The following RAD51B variants were observed in gnomAD, a reference collection of about 807,000 sequenced individuals.
RAD51B encodes RAD51 paralog B, also known as DNA repair protein RAD51 homolog 2.
In RAD51B, 38 loss-of-function variants were observed where a neutral mutation model predicts 42.2. That is an observed-to-expected ratio of 0.90 (90% confidence interval 0.70 to 1.18). The LOEUF is 1.18. Ranked by LOEUF, RAD51B falls within the 50% of genes most tolerant of loss-of-function variation. The probability of loss-of-function intolerance (pLI) is 0.00; values close to 1 mark genes in which losing one functional copy is unlikely to be tolerated. For synonymous variants in RAD51B, 154 were observed against 145.2 expected, an observed-to-expected ratio of 1.06 and a Z score of -0.43; for missense variants, 373 against 400.7, an observed-to-expected ratio of 0.93 and a Z score of 0.59.
chr14:68,222,648 C>T (rs1015822650), intron 7 of RAD51B, among the ~76,000 whole-genome samples: 4 of 152,076 alleles, frequency 2.6e-5, no homozygotes, highest in Non-Finnish European at 5.9e-5. Context: ...TAACCAAACA[C>T]CTCTGTTCCC....
intron 7 of RAD51B, among the ~76,000 whole-genome samples, chr14:68,250,941 G>C (rs966363557): frequency 6.6e-6 from 1 of 152,144 alleles, no homozygotes; most frequent in African/African-American, 2.4e-5. Context: ...GTTTACCATG[G>C]TTTTCAGTGT....
chr14:68,339,234 G>T, intron 8 of RAD51B: 3 of 1,145,770 alleles, frequency 2.6e-6, no homozygotes, highest in Non-Finnish European at 3.8e-6. Context: ...GTACTTGTGG[G>T]CCAGCTTAAG....
intron 7 of RAD51B, among the ~76,000 whole-genome samples, chr14:68,219,782 A>G (rs2079888790): frequency 6.6e-6 from 1 of 152,190 alleles, no homozygotes; most frequent in Non-Finnish European, 1.5e-5. Context: ...GAGGTTCTTT[A>G]ACACCCCCAA....
At chr14:68,541,886 A>T (rs1305287245) in intron 10 of RAD51B, 1 of 944,830 alleles carries the variant, frequency 1.1e-6, no homozygotes, top group East Asian at 1.2e-4. Context: ...TTTTATTGAG[A>T]TCCCCATTGG....
chr14:68,243,667 CAT>C (rs1239645744), intron 7 of RAD51B, among the ~76,000 whole-genome samples: 1 of 152,172 alleles, frequency 6.6e-6, no homozygotes, highest in Non-Finnish European at 1.5e-5. Flanking sequence ...GTTCCCTTTA[CAT>C]ATGAATTCAC....
At chr14:68,337,443 AT>A (rs1382194507) in intron 8 of RAD51B, among the ~76,000 whole-genome samples, 2 of 152,218 alleles carry the variant, frequency 1.3e-5, no homozygotes, top group African/African-American at 4.8e-5. Flanking sequence ...AAAATTAGCC[AT>A]TGTAGCATGC....
chr14:68,578,041 T>A (rs1304262339), intron 10 of RAD51B, among the ~76,000 whole-genome samples: 8 of 152,264 alleles, frequency 5.3e-5, no homozygotes, highest in African/African-American at 1.9e-4. Flanking sequence ...AACAGCACAT[T>A]GTCGAACACG....
chr14:67,841,836 T>A (rs1340242546), intron 4 of RAD51B, among the ~76,000 whole-genome samples: 1 of 152,200 alleles, frequency 6.6e-6, no homozygotes, highest in Non-Finnish European at 1.5e-5. Flanking sequence ...AGTCAGGTAG[T>A]GTGATGCCTC....
chr14:68,031,666 T>TA (rs959589709), intron 7 of RAD51B, among the ~76,000 whole-genome samples: 28 of 150,186 alleles, frequency 1.9e-4, no homozygotes, highest in Admixed American at 1.5e-3. Flanking sequence ...CTGGTGTCTT[T>TA]AAAAAAAAAA....
At chr14:68,301,422 G>T (rs2081732213) in intron 8 of RAD51B, among the ~76,000 whole-genome samples, 1 of 152,122 alleles carries the variant, frequency 6.6e-6, no homozygotes, top group Non-Finnish European at 1.5e-5. Flanking sequence ...CAGAGACCAA[G>T]GGGTGGATCC....
chr14:67,835,919 G>A (rs897389059), intron 4 of RAD51B, among the ~76,000 whole-genome samples: 1 of 151,780 alleles, frequency 6.6e-6, no homozygotes, highest in African/African-American at 2.4e-5. Flanking sequence ...AATTAAAAAA[G>A]GATCACTCCT....
chr14:68,370,380 C>T (rs936356728), intron 8 of RAD51B, among the ~76,000 whole-genome samples: 1 of 152,158 alleles, frequency 6.6e-6, no homozygotes, highest in Non-Finnish European at 1.5e-5. Flanking sequence ...CCTTTGTGTA[C>T]GTAGTTTTAT....
exon 11 of RAD51B, chr14:68,594,675 C>T (rs1890914924): frequency 2.3e-6 from 3 of 1,277,746 alleles, no homozygotes; most frequent in Non-Finnish European, 1.0e-6. Context: ...GAGATCCACC[C>T]ACCTCAGCCT....
chr14:68,206,493 G>C (rs1394645893), intron 7 of RAD51B, among the ~76,000 whole-genome samples: 1 of 152,126 alleles, frequency 6.6e-6, no homozygotes, highest in Non-Finnish European at 1.5e-5. Context: ...CCTGTCAACA[G>C]TAGACATTTT....
At chr14:68,447,885 GTAAC>G (rs1387515949) in intron 9 of RAD51B, among the ~76,000 whole-genome samples, 3 of 152,242 alleles carry the variant, frequency 2.0e-5, no homozygotes, top group East Asian at 3.9e-4. Context: ...CATCAAATAA[GTAAC>G]TAAGATGAAA....
chr14:67,869,517 A>T (rs1401282087), intron 5 of RAD51B, among the ~76,000 whole-genome samples: 1 of 152,226 alleles, frequency 6.6e-6, no homozygotes, highest in South Asian at 2.1e-4. Context: ...ACTCTGCAGG[A>T]TATTATCCAG....
chr14:68,097,062 C>A (rs2077208865), intron 7 of RAD51B, among the ~76,000 whole-genome samples: 1 of 152,110 alleles, frequency 6.6e-6, no homozygotes, highest in African/African-American at 2.4e-5. Context: ...ATTTGTTTTT[C>A]TCCTTTATTT....
At chr14:68,099,782 T>C (rs1223143550) in intron 7 of RAD51B, among the ~76,000 whole-genome samples, 1 of 152,130 alleles carries the variant, frequency 6.6e-6, no homozygotes, top group East Asian at 1.9e-4. Context: ...AATGCTGCGG[T>C]TGTTCTGCTT....
At chr14:68,353,416 CTA>C (rs1211379065) in intron 8 of RAD51B, among the ~76,000 whole-genome samples, 1 of 152,190 alleles carries the variant, frequency 6.6e-6, no homozygotes, top group African/African-American at 2.4e-5. Context: ...GACTGGGCCT[CTA>C]TGTGTGTAGG....
Sources: gnomAD v4.1 joint callset for allele counts (sites outside exome capture counted in the v4.1 genomes callset) on GRCh38, gnomAD v4.1.1 for gene constraint, MANE v1.5 for transcripts, NCBI Gene and HGNC (gene_info 2026-07-23, HGNC 2026-07-21) for gene names.